The following HTR2C variants were observed in gnomAD, a reference collection of about 807,000 sequenced individuals.
The protein encoded by HTR2C is 5-hydroxytryptamine receptor 2C.
Under a neutral mutation model 21.0 loss-of-function variants are expected in HTR2C, and 5 were observed. The observed-to-expected ratio is 0.24, with a 90% CI of 0.12 to 0.50. The LOEUF (loss-of-function observed/expected upper bound fraction) is 0.50. Ranked by LOEUF, HTR2C falls within the 20% of genes least tolerant of loss-of-function variation. The pLI, the probability that HTR2C is intolerant of heterozygous loss-of-function variation, is 0.98. For synonymous variants in HTR2C, 150 were observed against 145.3 expected, an observed-to-expected ratio of 1.03 and a Z score of -0.23; for missense variants, 271 against 371.2, an observed-to-expected ratio of 0.73 and a Z score of 2.22.
intron 5 of HTR2C, among the ~76,000 whole-genome samples, chrX:114,862,119 TGTA>T (rs1163542491): frequency 1.8e-5 from 2 of 111,520 alleles, no homozygotes; most frequent in African/African-American, 3.2e-5. Flanking sequence ...TGTCTAGTGT[TGTA>T]TGTAGGCCTT....
At chrX:114,618,163 C>G (rs1288344386) in intron 2 of HTR2C, among the ~76,000 whole-genome samples, 2 of 112,271 alleles carry the variant, frequency 1.8e-5, no homozygotes, top group African/African-American at 6.5e-5. Flanking sequence ...CAACTGATAA[C>G]TGTTAAAACT....
chrX:114,837,527 TCA>T (rs1490262627), intron 4 of HTR2C, among the ~76,000 whole-genome samples: 3 of 111,762 alleles, frequency 2.7e-5, no homozygotes, highest in South Asian at 3.7e-4. Flanking sequence ...ATGAATTTTG[TCA>T]CTGTTGCAAA....
At chrX:114,669,808 TAA>T (rs1257860968) in intron 2 of HTR2C, among the ~76,000 whole-genome samples, 1 of 112,858 alleles carries the variant, frequency 8.9e-6, no homozygotes, top group Non-Finnish European at 1.9e-5. Flanking sequence ...AGCATTATTC[TAA>T]GAGTATTGTA....
At chrX:114,635,811 A>G (rs1445927799) in intron 2 of HTR2C, among the ~76,000 whole-genome samples, 1 of 111,938 alleles carries the variant, frequency 8.9e-6, no homozygotes, top group African/African-American at 3.2e-5. Flanking sequence ...TATTTCTTGC[A>G]GGTAAATGTT....
intron 2 of HTR2C, among the ~76,000 whole-genome samples, chrX:114,703,691 G>A (rs1346909426): frequency 9.1e-6 from 1 of 110,448 alleles, no homozygotes; most frequent in Admixed American, 9.7e-5. Context: ...GCTAGCAGAA[G>A]GCAAGAAATA....
At chrX:114,742,298 G>A (rs1226110132) in intron 4 of HTR2C, among the ~76,000 whole-genome samples, 3 of 111,437 alleles carry the variant, frequency 2.7e-5, no homozygotes, top group Non-Finnish European at 5.6e-5. Context: ...TAAGTAAACA[G>A]GACAGACTTC....
At chrX:114,851,498 AATG>A (rs1246783918) in intron 5 of HTR2C, among the ~76,000 whole-genome samples, 2 of 111,737 alleles carry the variant, frequency 1.8e-5, no homozygotes, top group African/African-American at 6.5e-5. Flanking sequence ...AAGGTGATAC[AATG>A]ATAATTTTTC....
intron 2 of HTR2C, among the ~76,000 whole-genome samples, chrX:114,689,500 C>T (rs1014986257): frequency 1.0e-4 from 11 of 109,862 alleles, no homozygotes; most frequent in Non-Finnish European, 1.9e-4. Context: ...CCCTTTTCAC[C>T]ACATCCACAC....
At chrX:114,762,613 C>T (rs1257446514) in intron 4 of HTR2C, among the ~76,000 whole-genome samples, 1 of 111,787 alleles carries the variant, frequency 8.9e-6, no homozygotes, top group Admixed American at 9.5e-5. Flanking sequence ...GGTATTGGAA[C>T]ATATTGTTAT....
intron 4 of HTR2C, among the ~76,000 whole-genome samples, chrX:114,745,021 A>G (rs1002604522): frequency 8.9e-6 from 1 of 112,299 alleles, no homozygotes; most frequent in African/African-American, 3.2e-5. Context: ...AAAAGCCTTC[A>G]GTGAAGAGAA....
In HTR2C at chrX:114,605,522, G is replaced by T. The variant is rs782372097; in HGVS notation, c.-146-8293G>T. Among the ~76,000 whole-genome samples the T allele has an allele frequency of 9.1e-3, 1,016 of 111,194 alleles. 13 individuals are homozygous for T. Among genetic ancestry groups the T allele is most frequent in the African/African-American group, 0.031 (944 of 30,492 alleles). On this transcript the variant is annotated intron_variant, in intron 1 of 5. Transcript: ENST00000276198. ...ACTAGGAAGGGACTGACGTGTAAAA[G>T]AATGCCTGGACGTCAGGCACCTCAG...
At chrX:114,795,031 A>G (rs2070275993) in intron 4 of HTR2C, among the ~76,000 whole-genome samples, 1 of 109,030 alleles carries the variant, frequency 9.2e-6, no homozygotes. Flanking sequence ...CATCCTCTCC[A>G]GCACCTGTTG....
chrX:114,810,120 A>G (rs985603111), intron 4 of HTR2C, among the ~76,000 whole-genome samples: 59 of 111,698 alleles, frequency 5.3e-4, no homozygotes, highest in African/African-American at 1.8e-3. Flanking sequence ...CTGGTATCCT[A>G]TTCTACTGTG....
intron 2 of HTR2C, among the ~76,000 whole-genome samples, chrX:114,698,724 G>A (rs782308701): frequency 4.5e-5 from 5 of 111,808 alleles, no homozygotes; most frequent in African/African-American, 1.6e-4. Flanking sequence ...TATCAAAATT[G>A]GGATTAAGAT....
intron 2 of HTR2C, among the ~76,000 whole-genome samples, chrX:114,720,545 T>A (rs1488595283): frequency 9.7e-6 from 1 of 102,844 alleles, no homozygotes; most frequent in Non-Finnish European, 2.0e-5. Context: ...CTTTAAGTTT[T>A]AGGGTACATG....
intron 4 of HTR2C, among the ~76,000 whole-genome samples, chrX:114,784,948 T>C (rs782122152): frequency 2.5e-4 from 28 of 111,253 alleles, no homozygotes; most frequent in Non-Finnish European, 4.5e-4. Context: ...ACTAGTCATA[T>C]TGGATTTTGA....
intron 4 of HTR2C, among the ~76,000 whole-genome samples, chrX:114,810,509 G>A (rs2070520790): frequency 9.2e-6 from 1 of 109,057 alleles, no homozygotes; most frequent in African/African-American, 3.3e-5. Flanking sequence ...GTGGGCGCTG[G>A]CTGATTTCTG....
chrX:114,839,171 A>G (rs976252403), intron 4 of HTR2C, among the ~76,000 whole-genome samples: 10 of 112,153 alleles, frequency 8.9e-5, no homozygotes, highest in Middle Eastern at 4.2e-3. Flanking sequence ...AAGCACTTCT[A>G]TTGTTAACCT....
chrX:114,605,088 A>G (rs1192133525), intron 1 of HTR2C, among the ~76,000 whole-genome samples: 1 of 111,203 alleles, frequency 9.0e-6, no homozygotes. Flanking sequence ...CAAACAAGTC[A>G]TGAACTGGGC....
Sources: gnomAD v4.1 joint callset for allele counts (sites outside exome capture counted in the v4.1 genomes callset) on GRCh38, gnomAD v4.1.1 for gene constraint, MANE v1.5 for transcripts, NCBI Gene and HGNC (gene_info 2026-07-23, HGNC 2026-07-21) for gene names.